P2RX1: variants seen among roughly 807,000 people sequenced by gnomAD.
The protein encoded by P2RX1 is P2X purinoceptor 1.
P2RX1 carries 42 observed loss-of-function variants against 50.3 expected under a neutral mutation model. The ratio of observed to expected loss-of-function variants is 0.83; its 90% CI spans 0.65 to 1.08. The LOEUF is 1.08. Among genes scored for constraint, P2RX1 ranks in the 50% least tolerant of loss-of-function variants. The probability of loss-of-function intolerance (pLI) is 0.00; values close to 1 mark genes in which losing one functional copy is unlikely to be tolerated. For synonymous variants in P2RX1, 199 were observed against 202.6 expected (o/e 0.98, Z 0.15); for missense variants, 449 against 529.0 (o/e 0.85, Z 1.48).
Position 3,914,496 on chromosome 17 carries a change from C to G in P2RX1, c.137+1593G>C, listed in dbSNP as rs754018520. ...AGGAGGGACCTGGTGCCCCTCACAC[C>G]TGCAGATCTGAAAGCAGAACTAGGG... On this transcript the variant is annotated intron_variant, in intron 1 of 11. Coordinates refer to ENST00000225538, the MANE Select transcript of P2RX1 (RefSeq NM_002558.4). This position sits in a 1 kb window ranked among gnomAD's most constrained non-coding sequence, Gnocchi z 4.1. Among the ~76,000 whole-genome samples, 45 of 152,266 alleles carry G rather than the reference C, an allele frequency of 3.0e-4. No homozygotes were observed. The highest frequency in any genetic ancestry group is 5.0e-4 in the Non-Finnish European group (34 of 68,014).
intron 1 of P2RX1, among the ~76,000 whole-genome samples, chr17:3,910,506 C>T (rs1034915076): frequency 1.3e-5 from 2 of 152,210 alleles, no homozygotes; most frequent in African/African-American, 4.8e-5. Context: ...GGTCCTCCCT[C>T]GGCTTTCATC....
rs1366034061 is a variant in P2RX1 at position 3,897,694 on chromosome 17, C to G, written c.*120G>C. ...CACCCTGAGCTTCTGGCAAACTGCT[C>G]TCTGCCTGGCTGAGAGGGTAGGAGA... is the stretch of plus-strand genomic sequence containing the variant. On this transcript the variant is annotated 3_prime_UTR_variant, in exon 12 of 12. Coordinates refer to ENST00000225538, the MANE Select transcript of P2RX1 (RefSeq NM_002558.4). The G allele has an allele frequency of 1.8e-5, 16 of 886,706 alleles. No homozygotes were observed. Among genetic ancestry groups the G allele is most frequent in the Non-Finnish European group, 2.5e-5 (14 of 553,092 alleles). The allele number at this position is 886,706 out of a possible 1,614,324, so 54.9% of individuals were successfully genotyped here.
At chr17:3,915,717 T>A in intron 1 of P2RX1, 1 of 477,220 alleles carries the variant, frequency 2.1e-6, no homozygotes, top group South Asian at 1.5e-5. Flanking sequence ...GTATGGCCTC[T>A]GTGTGTCAGT....
At chr17:3,911,608 GC>G (rs887574442) in intron 1 of P2RX1, among the ~76,000 whole-genome samples, 1 of 143,730 alleles carries the variant, frequency 7.0e-6, no homozygotes, top group African/African-American at 2.6e-5. Context: ...ACCCCTGCCT[GC>G]TCCAGGCCCT....
intron 1 of P2RX1, among the ~76,000 whole-genome samples, chr17:3,910,606 A>G (rs115247061): frequency 0.015 from 2,247 of 152,258 alleles, 59 homozygotes; most frequent in African/African-American, 0.05. Flanking sequence ...GGTTGGGAGG[A>G]CCGGCCAGGT....
Position 3,903,705 on chromosome 17 carries a change from G to A in P2RX1, c.525-74C>T. 1 of 1,507,916 alleles carries A rather than the reference G, an allele frequency of 6.6e-7. No individual in the cohort carries two copies. The highest frequency in any genetic ancestry group is 2.3e-5 in the East Asian group (1 of 44,338). The allele number at this position is 1,507,916 out of a possible 1,614,324, so 93.4% of individuals were successfully genotyped here. A position where few individuals can be genotyped will look rare whatever the true frequency, so the allele number is the denominator to read the frequency against. On this transcript the variant is annotated intron_variant, in intron 5 of 11. Coordinates refer to ENST00000225538, the MANE Select transcript of P2RX1 (RefSeq NM_002558.4). This position sits in a 1 kb window ranked among gnomAD's most constrained non-coding sequence, Gnocchi z 4.6. Reference sequence around the variant, plus strand: ...TGTGTCCCACACAGAGCTTGGCACAGCAGGGGGTGGGCCGAGCCTCCGGGA... The same window carrying A: ...TGTGTCCCACACAGAGCTTGGCACAACAGGGGGTGGGCCGAGCCTCCGGGA...
intron 1 of P2RX1, among the ~76,000 whole-genome samples, chr17:3,905,584 G>A (rs962280748): frequency 6.6e-5 from 10 of 152,272 alleles, no homozygotes; most frequent in South Asian, 2.1e-4. Context: ...AATTCAGGAC[G>A]GGCGTGCCAT....
chr17:3,905,398 G>A (rs2056244989), intron 1 of P2RX1, 31 bp from the exon 2 acceptor site: 1 of 1,612,234 alleles, frequency 6.2e-7, no homozygotes, highest in East Asian at 2.2e-5. Context: ...GGGGAGTTGT[G>A]GTTGTGGCAC....
chr17:3,903,534 C>T lies in P2RX1; in HGVS notation c.605+17G>A, dbSNP rs1442120232. ...CCCGGCCAGCTGCCTGCATTTCTGC[C>T]CGAATTTCCCACGCACCTGTTGACC... On this transcript the variant is annotated intron_variant, in intron 6 of 11. Transcript: ENST00000225538. The surrounding 1 kb of genome is among the most constrained non-coding windows in gnomAD (Gnocchi z 4.6). The T allele has an allele frequency of 1.3e-5, 21 of 1,613,572 alleles. No individual in the cohort carries two copies. The highest frequency in any genetic ancestry group is 1.7e-5 in the Non-Finnish European group (20 of 1,179,588).
Position 3,897,685 on chromosome 17 carries a change from C to G in P2RX1, c.*129G>C. ...CCTACTATGCACCCTGAGCTTCTGG[C>G]AAACTGCTCTCTGCCTGGCTGAGAG... On this transcript the variant is annotated 3_prime_UTR_variant, in exon 12 of 12. Coordinates refer to ENST00000225538, the MANE Select transcript of P2RX1 (RefSeq NM_002558.4). 1 of 826,228 alleles carries G rather than the reference C, an allele frequency of 1.2e-6. No individual in the cohort carries two copies. The highest frequency in any genetic ancestry group is 2.7e-5 in the East Asian group (1 of 37,610). 51.2% of individuals were successfully genotyped at this position (826,228 alleles called of 1,614,324 possible).
chr17:3,906,519 T>C (rs919400464), intron 1 of P2RX1, among the ~76,000 whole-genome samples: 6 of 152,162 alleles, frequency 3.9e-5, no homozygotes, highest in African/African-American at 1.4e-4. Flanking sequence ...AAATGCAGTA[T>C]AGACATTAGT....
intron 1 of P2RX1, among the ~76,000 whole-genome samples, chr17:3,909,220 G>C (rs2056320934): frequency 6.6e-6 from 1 of 151,874 alleles, no homozygotes. Flanking sequence ...TTAGTAGAGA[G>C]AGGGTTTCGC....
rs1380305006 is a variant in P2RX1, at chr17:3,903,757, G to C, written c.525-126C>G. On this transcript the variant is annotated intron_variant, in intron 5 of 11. Coordinates refer to ENST00000225538, the MANE Select transcript of P2RX1 (RefSeq NM_002558.4). The surrounding 1 kb of genome is among the most constrained non-coding windows in gnomAD (Gnocchi z 4.6). Reference sequence around the variant, plus strand: ...CCGCCTGCAGCCCTGGGCTGGTGGAGGGGTGGGTGTGCTCTAGCGTGGCCA... The same window carrying C: ...CCGCCTGCAGCCCTGGGCTGGTGGACGGGTGGGTGTGCTCTAGCGTGGCCA... The C allele has an allele frequency of 1.7e-6, 2 of 1,146,994 alleles. No homozygotes were observed. The highest frequency in any genetic ancestry group is 1.8e-5 in the Admixed American group (1 of 54,922). The allele number at this position is 1,146,994 out of a possible 1,614,324, so 71.1% of individuals were successfully genotyped here.
At position 3,914,784 on chromosome 17, in the gene P2RX1, C is replaced by A. The variant is rs2056421711; in HGVS notation, c.137+1305G>T. 6.6e-6 allele frequency among the ~76,000 whole-genome samples: 1 copy of A among 152,198 alleles called. No homozygotes were observed. Among genetic ancestry groups the A allele is most frequent in the African/African-American group, 2.4e-5 (1 of 41,444 alleles). ...CAACCCTGGGTTTGCTGCTGACTTG[C>A]TGTGGACCTGGAAACCCCACTGCCC... On this transcript the variant is annotated intron_variant, in intron 1 of 11. Coordinates refer to ENST00000225538, the MANE Select transcript of P2RX1 (RefSeq NM_002558.4). The surrounding 1 kb of genome is among the most constrained non-coding windows in gnomAD (Gnocchi z 4.1).
Position 3,916,334 on chromosome 17 carries a change from C to T in P2RX1, c.-109G>A, listed in dbSNP as rs540814395. 1.3e-5 allele frequency: 17 copies of T among 1,306,488 alleles called. No individual in the cohort carries two copies. In the East Asian group the frequency reaches 3.9e-4, roughly 30 times the overall value. 80.9% of individuals were successfully genotyped at this position (1,306,488 alleles called of 1,614,324 possible). A position where few individuals can be genotyped will look rare whatever the true frequency, so the allele number is the denominator to read the frequency against. On this transcript the variant is annotated 5_prime_UTR_variant, in exon 1 of 12. Coordinates refer to ENST00000225538, the MANE Select transcript of P2RX1 (RefSeq NM_002558.4). ...GGTAGAGCTTCTGGGGGCTTCCTGG[C>T]CCCTTAGGAAGAGCAGGGCGGTGCA... is the stretch of plus-strand genomic sequence containing the variant.
At chr17:3,908,788 A>C (rs949772275) in intron 1 of P2RX1, among the ~76,000 whole-genome samples, 2 of 152,134 alleles carry the variant, frequency 1.3e-5, no homozygotes, top group African/African-American at 4.8e-5. Context: ...TGGCCTTCTC[A>C]AGGAAGAGGC....
chr17:3,911,924 C>A (rs2056372170), intron 1 of P2RX1, among the ~76,000 whole-genome samples: 1 of 152,182 alleles, frequency 6.6e-6, no homozygotes, highest in African/African-American at 2.4e-5. Flanking sequence ...CTGGGGTGGG[C>A]ACGGGACCCG....
intron 1 of P2RX1, among the ~76,000 whole-genome samples, chr17:3,905,809 T>C (rs1185994406): frequency 6.8e-6 from 1 of 147,546 alleles, no homozygotes; most frequent in Non-Finnish European, 1.5e-5. Flanking sequence ...ATCGCGCTAT[T>C]GCACTCCAGC....
chr17:3,901,192 T>C lies in P2RX1; in HGVS notation c.748-1431A>G, dbSNP rs75232066. Among the ~76,000 whole-genome samples the C allele has an allele frequency of 1.1e-4, 16 of 152,230 alleles. No homozygotes were observed. The South Asian group carries it at 1.9e-3, about 18-fold the overall frequency. On this transcript the variant is annotated intron_variant, in intron 7 of 11. Coordinates refer to ENST00000225538, the MANE Select transcript of P2RX1 (RefSeq NM_002558.4). ...AAGCGATTCTCCTGCCTCAGCCTCC[T>C]GAGTAGCTGAGATTACAGGTGCCCG...
Sources: allele counts gnomAD v4.1 joint callset (sites outside exome capture counted in the v4.1 genomes callset), GRCh38; gene constraint gnomAD v4.1.1; non-coding constraint Gnocchi (gnomAD v3.1); transcripts MANE v1.5; gene names NCBI Gene and HGNC (gene_info 2026-07-23, HGNC 2026-07-21).